The following CRB1 variants were observed in gnomAD, a reference collection of about 807,000 sequenced individuals.
The protein encoded by CRB1 is protein crumbs homolog 1.
CRB1 carries 83 observed loss-of-function variants against 120.0 expected under a neutral mutation model. That is an observed-to-expected ratio of 0.69 (90% CI 0.58 to 0.83). The LOEUF (loss-of-function observed/expected upper bound fraction) is 0.83, where lower values mean the gene tolerates loss of function less well. CRB1 is among the 40% of genes least tolerant of loss of function. The pLI is 0.00. For missense variants in CRB1, 1,699 were observed against 1,687.6 expected, an observed-to-expected ratio of 1.01 and a Z score of -0.12; for synonymous variants, 625 against 612.5, an observed-to-expected ratio of 1.02 and a Z score of -0.30.
the CRB1 span, among the ~76,000 whole-genome samples, chr1:197,250,107 T>C: frequency 6.6e-6 from 1 of 152,048 alleles, no homozygotes; most frequent in Admixed American, 6.6e-5. Flanking sequence ...TGTTTTATTA[T>C]TAGTTGAGAA....
intron 5 of CRB1, among the ~76,000 whole-genome samples, chr1:197,361,000 T>C (rs1483655071): frequency 1.3e-5 from 2 of 152,240 alleles, no homozygotes; most frequent in African/African-American, 2.4e-5. Context: ...ATGCATTTTC[T>C]GCAATTGATT....
At chr1:197,309,481 G>T (rs1389055970) in intron 1 of CRB1, among the ~76,000 whole-genome samples, 2 of 152,072 alleles carry the variant, frequency 1.3e-5, no homozygotes, top group African/African-American at 4.8e-5. Flanking sequence ...ACGGCCAGGC[G>T]CTGTGGCTCA....
intron 9 of CRB1, among the ~76,000 whole-genome samples, chr1:197,436,342 A>G (rs893638896): frequency 6.6e-6 from 1 of 152,078 alleles, no homozygotes; most frequent in African/African-American, 2.4e-5. Context: ...GATTGTCTTC[A>G]TGTTGATTAG....
At chr1:197,203,756 AT>A in the CRB1 span, among the ~76,000 whole-genome samples, 1 of 152,334 alleles carries the variant, frequency 6.6e-6, no homozygotes, top group East Asian at 1.9e-4. Flanking sequence ...ATATTTAGAT[AT>A]TTAGAAAAAA....
the CRB1 span, among the ~76,000 whole-genome samples, chr1:197,254,551 T>C: frequency 1.3e-5 from 2 of 152,020 alleles, no homozygotes; most frequent in Admixed American, 1.3e-4. Context: ...TACTTCTCTG[T>C]AGTGGTGATA....
chr1:197,223,428 T>A, the CRB1 span, among the ~76,000 whole-genome samples: 2 of 152,202 alleles, frequency 1.3e-5, no homozygotes, highest in South Asian at 2.1e-4. Flanking sequence ...ACAGTATTGA[T>A]GTGAATCAAA....
intron 2 of CRB1, among the ~76,000 whole-genome samples, chr1:197,343,614 T>C (rs1477868417): frequency 2.0e-5 from 3 of 152,170 alleles, no homozygotes; most frequent in Non-Finnish European, 2.9e-5. Flanking sequence ...AAAATGTCTA[T>C]GCAAAATGAG....
chr1:197,282,673 A>G (rs1655590941), intron 1 of CRB1, among the ~76,000 whole-genome samples: 1 of 151,894 alleles, frequency 6.6e-6, no homozygotes, highest in African/African-American at 2.4e-5. Context: ...ACATATACAC[A>G]CATATACAAT....
chr1:197,317,745 A>T (rs2125284171), intron 1 of CRB1, among the ~76,000 whole-genome samples: 1 of 152,320 alleles, frequency 6.6e-6, no homozygotes, highest in Non-Finnish European at 1.5e-5. Context: ...GACAATGGGG[A>T]AAGGACAGCC....
chr1:197,459,073 G>A (rs1462493034), intron 11 of CRB1, among the ~76,000 whole-genome samples: 1 of 152,078 alleles, frequency 6.6e-6, no homozygotes, highest in Admixed American at 6.6e-5. Context: ...AAAAAGTTTG[G>A]ATGGGATGAA....
intron 3 of CRB1, among the ~76,000 whole-genome samples, chr1:197,346,229 A>T (rs1334862429): frequency 6.6e-6 from 1 of 152,026 alleles, no homozygotes; most frequent in Non-Finnish European, 1.5e-5. Context: ...ATATAACCTG[A>T]CTTTATGTTC....
At chr1:197,292,641 C>A (rs978781243) in intron 1 of CRB1, among the ~76,000 whole-genome samples, 3 of 152,104 alleles carry the variant, frequency 2.0e-5, no homozygotes, top group African/African-American at 7.2e-5. Flanking sequence ...CCCTGATGAA[C>A]ATCGATGAGA....
chr1:197,292,164 C>A (rs1656222888), intron 1 of CRB1, among the ~76,000 whole-genome samples: 1 of 151,946 alleles, frequency 6.6e-6, no homozygotes, highest in Non-Finnish European at 1.5e-5. Flanking sequence ...AATTGATAGA[C>A]CGCTAGCAAG....
chr1:197,322,786 C>A, intron 1 of CRB1, among the ~76,000 whole-genome samples: 1 of 152,268 alleles, frequency 6.6e-6, no homozygotes, highest in Middle Eastern at 3.4e-3. Flanking sequence ...TTCATATGAA[C>A]ATTAATGTTT....
chr1:197,222,210 C>T, the CRB1 span: 4 of 474,738 alleles, frequency 8.4e-6, no homozygotes, highest in East Asian at 4.8e-5. Context: ...ACTGCGCGGC[C>T]GCAGCGGCAC....
At chr1:197,364,241 G>C (rs1241227813) in intron 5 of CRB1, among the ~76,000 whole-genome samples, 1 of 151,966 alleles carries the variant, frequency 6.6e-6, no homozygotes, top group African/African-American at 2.4e-5. Flanking sequence ...CAATATGTTT[G>C]CAAAAAAGAA....
the CRB1 span, among the ~76,000 whole-genome samples, chr1:197,248,306 A>G: frequency 6.6e-6 from 1 of 152,024 alleles, no homozygotes; most frequent in Non-Finnish European, 1.5e-5. Context: ...AATATAATTT[A>G]GTGGAAGCGC....
chr1:197,276,378 A>AT (rs950640565), intron 1 of CRB1, among the ~76,000 whole-genome samples: 1 of 151,568 alleles, frequency 6.6e-6, no homozygotes, highest in African/African-American at 2.4e-5. Flanking sequence ...TTATTCCATA[A>AT]TTTTTTTATT....
At chr1:197,354,310 A>G (rs1660299200) in intron 4 of CRB1, among the ~76,000 whole-genome samples, 1 of 152,224 alleles carries the variant, frequency 6.6e-6, no homozygotes, top group Admixed American at 6.5e-5. Context: ...GGTTAAACTC[A>G]AAACGCTTAC....
Sources: gnomAD v4.1 joint callset for allele counts (sites outside exome capture counted in the v4.1 genomes callset) on GRCh38, gnomAD v4.1.1 for gene constraint, MANE v1.5 for transcripts, NCBI Gene and HGNC (gene_info 2026-07-23, HGNC 2026-07-21) for gene names.